The following TINAG variants were observed in gnomAD, a reference collection of about 807,000 sequenced individuals.
TINAG encodes tubulointerstitial nephritis antigen.
TINAG carries 83 observed loss-of-function variants against 72.7 expected under a neutral mutation model. The ratio of observed to expected loss-of-function variants is 1.14; its 90% confidence interval spans 0.96 to 1.37. The LOEUF is 1.37. TINAG is among the 40% of genes most tolerant of loss of function. TINAG has a pLI of 0.00. For synonymous variants in TINAG, 234 were observed against 189.9 expected, an observed-to-expected ratio of 1.23 and a Z score of -1.91; for missense variants, 685 against 576.6, an observed-to-expected ratio of 1.19 and a Z score of -1.93.
At chr6:54,367,161 T>C (rs1157493287) in intron 9 of TINAG, 3 of 151,756 alleles carry the variant, frequency 2.0e-5, no homozygotes, top group African/African-American at 7.2e-5. Flanking sequence ...TTTCCCCGTA[T>C]CCTTTGAAAT....
chr6:54,354,465 G>C, intron 8 of TINAG, 48 bp from the exon 9 acceptor site: 2 of 1,509,750 alleles, frequency 1.3e-6, no homozygotes, highest in Non-Finnish European at 1.8e-6. Flanking sequence ...GGTTTTTAAA[G>C]ATGATATTTT....
At chr6:54,374,656 T>C (rs1419359216) in intron 9 of TINAG, among the ~76,000 whole-genome samples, 2 of 152,128 alleles carry the variant, frequency 1.3e-5, no homozygotes, top group East Asian at 3.9e-4. Flanking sequence ...ACTAAGACTC[T>C]ATCTGTAGTC....
At chr6:54,381,676 C>T (rs1763955158) in intron 10 of TINAG, among the ~76,000 whole-genome samples, 1 of 151,942 alleles carries the variant, frequency 6.6e-6, no homozygotes, top group Admixed American at 6.6e-5. Flanking sequence ...TAGTAGCCAA[C>T]AATCAACATT....
intron 9 of TINAG, among the ~76,000 whole-genome samples, chr6:54,370,448 T>C (rs1047513001): frequency 2.0e-5 from 3 of 151,990 alleles, no homozygotes; most frequent in Non-Finnish European, 4.4e-5. Flanking sequence ...TTATGAAATA[T>C]ATAATATGAA....
At chr6:54,352,317 T>A (rs1486358680) in intron 8 of TINAG, among the ~76,000 whole-genome samples, 4 of 151,864 alleles carry the variant, frequency 2.6e-5, no homozygotes, top group Non-Finnish European at 5.9e-5. Flanking sequence ...GCAGGAATCA[T>A]GGATTTTATA....
chr6:54,384,871 A>G (rs7746042), intron 10 of TINAG, among the ~76,000 whole-genome samples: 13,123 of 152,220 alleles, frequency 0.086, 1,009 homozygotes, highest in East Asian at 0.3. Context: ...ACACATAAAT[A>G]TTGATGAATA....
At chr6:54,310,107 G>GTGTA (rs57659671) in intron 1 of TINAG, among the ~76,000 whole-genome samples, 7 of 149,234 alleles carry the variant, frequency 4.7e-5, no homozygotes, top group African/African-American at 1.7e-4. Flanking sequence ...GTGTGTGTGT[G>GTGTA]AGTCTTGCTC....
At chr6:54,360,292 T>C (rs927903708) in intron 9 of TINAG, among the ~76,000 whole-genome samples, 2 of 151,780 alleles carry the variant, frequency 1.3e-5, no homozygotes, top group African/African-American at 4.8e-5. Context: ...GCTATGGCTA[T>C]AGATGCATTT....
At chr6:54,339,551 G>T (rs554960766) in intron 4 of TINAG, among the ~76,000 whole-genome samples, 3 of 152,176 alleles carry the variant, frequency 2.0e-5, no homozygotes, top group East Asian at 3.9e-4. Context: ...CGGGTTGAGG[G>T]GGGTGCATGG....
At chr6:54,313,270 T>C (rs1784299435) in intron 1 of TINAG, among the ~76,000 whole-genome samples, 1 of 152,172 alleles carries the variant, frequency 6.6e-6, no homozygotes, top group Non-Finnish European at 1.5e-5. Context: ...TAAGGCATCA[T>C]AAGGAGCCCT....
chr6:54,343,529 A>G (rs575945765), intron 5 of TINAG, among the ~76,000 whole-genome samples, 180 bp downstream of exon 5: 27 of 141,336 alleles, frequency 1.9e-4, no homozygotes, highest in African/African-American at 7.5e-4. Flanking sequence ...TTTTTAGTCT[A>G]AAAGTTTTTT....
chr6:54,312,714 A>T (rs979048270), intron 1 of TINAG, among the ~76,000 whole-genome samples: 11 of 152,330 alleles, frequency 7.2e-5, no homozygotes, highest in South Asian at 4.1e-4. Flanking sequence ...AGAAATATTT[A>T]AAAACCAGGA....
At chr6:54,374,586 G>T (rs1018265047) in intron 9 of TINAG, among the ~76,000 whole-genome samples, 3 of 152,032 alleles carry the variant, frequency 2.0e-5, no homozygotes, top group Admixed American at 2.0e-4. Context: ...GAAAATAAAA[G>T]CCTGCATATC....
rs566152092 is a variant in TINAG at position 54,341,455 on chromosome 6, G to A, written c.625-1771G>A. ...GTAAGCACTTCACAATGATCTGCTT[G>A]ATGTTTTTGGCACTTTCTTCCATCA... On this transcript the variant is annotated intron_variant, in intron 4 of 10. Transcript: ENST00000259782. 4.6e-5 allele frequency among the ~76,000 whole-genome samples: 7 copies of A among 152,200 alleles called. No individual in the cohort carries two copies. The South Asian group carries it at 1.5e-3, about 32-fold the overall frequency.
At chr6:54,368,037 G>A (rs1763487188) in intron 9 of TINAG, among the ~76,000 whole-genome samples, 1 of 151,532 alleles carries the variant, frequency 6.6e-6, no homozygotes, top group African/African-American at 2.4e-5. Flanking sequence ...TGGGAGTTAA[G>A]ATTTCAACAT....
chr6:54,366,563 C>A (rs1490171708), intron 9 of TINAG, among the ~76,000 whole-genome samples: 1 of 149,298 alleles, frequency 6.7e-6, no homozygotes, highest in African/African-American at 2.5e-5. Flanking sequence ...AATAGTGCCT[C>A]TGTCCTCAGC....
chr6:54,369,785 ATC>A (rs1763549047), intron 9 of TINAG: 1 of 152,046 alleles, frequency 6.6e-6, no homozygotes. Context: ...CATAAATTTA[ATC>A]TGAGTTGAAA....
At chr6:54,315,748 T>G (rs1359906667) in intron 1 of TINAG, among the ~76,000 whole-genome samples, 1 of 151,890 alleles carries the variant, frequency 6.6e-6, no homozygotes, top group Non-Finnish European at 1.5e-5. Flanking sequence ...AAAACAGAGC[T>G]CGAGTGGATT....
intron 9 of TINAG, among the ~76,000 whole-genome samples, chr6:54,376,542 G>GA (rs1295926802): frequency 6.6e-6 from 1 of 151,714 alleles, no homozygotes; most frequent in Non-Finnish European, 1.5e-5. Context: ...CCAAAGAAAA[G>GA]AAAAAAATAT....
Sources: allele counts gnomAD v4.1 joint callset (sites outside exome capture counted in the v4.1 genomes callset), GRCh38; gene constraint gnomAD v4.1.1; transcripts MANE v1.5; gene names NCBI Gene and HGNC (gene_info 2026-07-23, HGNC 2026-07-21).